NUP62: variants seen among roughly 807,000 people sequenced by gnomAD.
NUP62 encodes the protein nuclear pore glycoprotein p62.
For synonymous variants in NUP62, 305 were observed against 303.4 expected (o/e 1.01, Z -0.05); for missense variants, 647 against 689.4 (o/e 0.94, Z 0.69).
intron 2 of NUP62, among the ~76,000 whole-genome samples, chr19:49,918,011 A>G (rs1301047051): frequency 6.6e-6 from 1 of 151,306 alleles, no homozygotes; most frequent in African/African-American, 2.4e-5. Context: ...GTCTAAAACA[A>G]ACAGACACAC....
intron 2 of NUP62, among the ~76,000 whole-genome samples, chr19:49,922,279 C>T (rs946168080): frequency 6.6e-6 from 1 of 152,200 alleles, no homozygotes; most frequent in East Asian, 1.9e-4. Flanking sequence ...AGTCTTCCTG[C>T]CGCAATGAGC....
intron 2 of NUP62, among the ~76,000 whole-genome samples, chr19:49,915,035 C>T (rs879536505): frequency 3.9e-5 from 6 of 152,066 alleles, no homozygotes; most frequent in Admixed American, 2.6e-4. Context: ...CCACTGTGCC[C>T]GGCCCCCAAC....
chr19:49,917,274 C>CCGTGGGAA (rs2075649742), intron 2 of NUP62, among the ~76,000 whole-genome samples: 1 of 152,246 alleles, frequency 6.6e-6, no homozygotes, highest in Non-Finnish European at 1.5e-5. Flanking sequence ...ACTTGCCCTC[C>CCGTGGGAA]CGTGGGAACC....
rs765595786 is a variant in NUP62 at position 49,909,537 on chromosome 19, C to T, written c.271G>A (p.Gly91Arg). 2 of 1,614,128 alleles carry T rather than the reference C, an allele frequency of 1.2e-6. No individual in the cohort carries two copies. The highest frequency in any genetic ancestry group is 1.3e-5 in the African/African-American group (1 of 75,028). Residue 91 changes from glycine to arginine, a missense_variant, in exon 3 of 3, where the codon GGG becomes AGG. Coordinates refer to ENST00000352066, the MANE Select transcript of NUP62 (RefSeq NM_016553.5). ...AAGTTGAGCTTTGAAGCACCGATCC[C>T]CAAAGAAAATCCAGTTCCCCCCGAA... ...LASGGTGFSL[G>R]IGASKLNLSN...
chr19:49,917,972 C>T (rs1401592325), intron 2 of NUP62, among the ~76,000 whole-genome samples: 1 of 152,148 alleles, frequency 6.6e-6, no homozygotes, highest in Non-Finnish European at 1.5e-5. Context: ...CACTACTGCA[C>T]TCCAGCCTGG....
In NUP62 at chr19:49,909,815, G is replaced by T; in HGVS notation, c.-8C>A. On this transcript the variant is annotated 5_prime_UTR_variant, in exon 3 of 3. Transcript: ENST00000352066. Reference sequence around the variant, plus strand: ...AAAATTAAACCCGCTCATGGCTCCGGACTCTGGTGGCGGCAGCTACTCTGG... The same window carrying T: ...AAAATTAAACCCGCTCATGGCTCCGTACTCTGGTGGCGGCAGCTACTCTGG... 1 of 1,613,796 alleles carries T rather than the reference G, an allele frequency of 6.2e-7. No homozygotes were observed. The highest frequency in any genetic ancestry group is 8.5e-7 in the Non-Finnish European group (1 of 1,179,960).
chr19:49,908,115 G>A lies in NUP62; in HGVS notation c.*124C>T. 1.3e-6 allele frequency: 2 copies of A among 1,511,622 alleles called. No homozygotes were observed. The highest frequency in any genetic ancestry group is 1.8e-6 in the Non-Finnish European group (2 of 1,132,380). The allele number at this position is 1,511,622 out of a possible 1,614,324, so 93.6% of individuals were successfully genotyped here. On this transcript the variant is annotated 3_prime_UTR_variant, in exon 3 of 3. Transcript: ENST00000352066. ...CAAAGCACACAGCGATCATGTCAAG[G>A]GCAGTCATGTGAAAGAAAGAAACAA... is the stretch of plus-strand genomic sequence containing the variant.
intron 2 of NUP62, among the ~76,000 whole-genome samples, chr19:49,923,540 A>G (rs867933444): frequency 3.9e-5 from 6 of 152,160 alleles, no homozygotes; most frequent in Non-Finnish European, 8.8e-5. Flanking sequence ...GAGAACAGAG[A>G]GAATCACACA....
rs150800946 is a variant in NUP62 at position 49,914,542 on chromosome 19, G to A, written c.-77-4658C>T. ...CCCTTGAGTTTCAAACAACACGGCCGCCTTCACAGCCCTGGGAACCCGGAG... is the reference window on the plus strand; with the variant it reads ...CCCTTGAGTTTCAAACAACACGGCCACCTTCACAGCCCTGGGAACCCGGAG... On this transcript the variant is annotated intron_variant, in intron 2 of 2. Coordinates refer to ENST00000352066, the MANE Select transcript of NUP62 (RefSeq NM_016553.5). 6.6e-5 allele frequency among the ~76,000 whole-genome samples: 10 copies of A among 152,114 alleles called. 1 individual carries two copies. Among genetic ancestry groups the A allele is most frequent in the African/African-American group, 1.7e-4 (7 of 41,500 alleles).
intron 2 of NUP62, among the ~76,000 whole-genome samples, chr19:49,923,139 G>T (rs769567334): frequency 6.6e-6 from 1 of 152,174 alleles, no homozygotes; most frequent in Admixed American, 6.6e-5. Context: ...ACAAGGGAGG[G>T]AAGGGGCTCT....
intron 2 of NUP62, 85 bp downstream of exon 2, chr19:49,927,609 A>G (rs2075933663): frequency 6.6e-6 from 1 of 152,222 alleles, no homozygotes; most frequent in Non-Finnish European, 1.5e-5. Context: ...AGTGGACAGT[A>G]AGTGCTCTAA....
chr19:49,923,076 T>C (rs1010834299), intron 2 of NUP62, among the ~76,000 whole-genome samples: 20 of 128,232 alleles, frequency 1.6e-4, no homozygotes, highest in Admixed American at 1.4e-3. Context: ...GCTGTGTCCC[T>C]TTTTTTTTGC....
chr19:49,913,031 C>G (rs1423868610), intron 2 of NUP62: 1 of 152,348 alleles, frequency 6.6e-6, no homozygotes, highest in Non-Finnish European at 1.5e-5. Context: ...AACCAGGGCT[C>G]AGGGCAGGCA....
intron 2 of NUP62, among the ~76,000 whole-genome samples, chr19:49,917,045 T>C (rs2075643272): frequency 6.6e-6 from 1 of 152,238 alleles, no homozygotes; most frequent in Non-Finnish European, 1.5e-5. Context: ...CGGAGCTGTC[T>C]CCGTGGGACC....
intron 2 of NUP62, among the ~76,000 whole-genome samples, chr19:49,912,392 C>T (rs751718913): frequency 2.0e-5 from 3 of 152,188 alleles, no homozygotes; most frequent in African/African-American, 7.2e-5. Flanking sequence ...TGGTCTTGAA[C>T]TCCTGACCTC....
chr19:49,908,834 C>G lies in NUP62; in HGVS notation c.974G>C (p.Ser325Thr). Residue 325 changes from serine (S) to threonine (T), a missense_variant, in exon 3 of 3, where the codon AGC becomes ACC. By Grantham distance (58) the Ser-to-Thr change is moderately conservative. Coordinates refer to ENST00000352066, the MANE Select transcript of NUP62 (RefSeq NM_016553.5). ...GPGAAAGAAA[S>T]SAMTYAQLES... ...CAGCTGCGCGTAGGTCATGGCGGAG[C>G]TGGCAGCCGCCCCTGCAGCTGCGCC... 6.2e-7 allele frequency: 1 copy of G among 1,612,808 alleles called. No individual in the cohort carries two copies.
Position 49,908,565 on chromosome 19 carries a change from T to G in NUP62, c.1243A>C (p.Lys415Gln), listed in dbSNP as rs2075375875. Reference sequence around the variant, plus strand: ...AGGTAGATGGTCCCGCTCTGCTCCTTGACCAACTCCTCCAGTGGGCTCAGC... The same window carrying G: ...AGGTAGATGGTCCCGCTCTGCTCCTGGACCAACTCCTCCAGTGGGCTCAGC... Reference protein sequence around the residue: ...DLLSPLEELVKEQSGTIYLQH... With the variant: ...DLLSPLEELVQEQSGTIYLQH... The change falls in exon 3 of 3, where the codon AAG becomes CAG. Residue 415 changes from lysine (K) to glutamine (Q), a missense_variant. Physicochemically the swap from Lys to Gln is moderately conservative, Grantham distance 53 (BLOSUM62 1). Coordinates refer to ENST00000352066, the MANE Select transcript of NUP62 (RefSeq NM_016553.5). 6.2e-7 allele frequency: 1 copy of G among 1,614,196 alleles called. No individual in the cohort carries two copies. The highest frequency in any genetic ancestry group is 2.2e-5 in the East Asian group (1 of 44,892).
rs1377357505 is a variant in NUP62 at position 49,907,705 on chromosome 19, T to G, written c.*534A>C. On this transcript the variant is annotated 3_prime_UTR_variant, in exon 3 of 3. Transcript: ENST00000352066. Reference sequence around the variant, plus strand: ...AGGCGTCCACCACACCTGACTAATTTTTGTATTTTTAGTAGAGACGGGGTT... The same window carrying G: ...AGGCGTCCACCACACCTGACTAATTGTTGTATTTTTAGTAGAGACGGGGTT... 1 of 344,880 alleles carries G rather than the reference T, an allele frequency of 2.9e-6. No individual in the cohort carries two copies. The highest frequency in any genetic ancestry group is 5.6e-6 in the Non-Finnish European group (1 of 178,676). The allele number at this position is 344,880 out of a possible 1,614,324, so 21.4% of individuals were successfully genotyped here. A position where few individuals can be genotyped will look rare whatever the true frequency, so the allele number is the denominator to read the frequency against.
chr19:49,924,337 C>T (rs1196932693), intron 2 of NUP62, among the ~76,000 whole-genome samples: 1 of 152,182 alleles, frequency 6.6e-6, no homozygotes, highest in East Asian at 1.9e-4. Flanking sequence ...GGTGGCTGAT[C>T]TCCCTCCCTC....
Sources: gnomAD v4.1 joint callset for allele counts (sites outside exome capture counted in the v4.1 genomes callset) on GRCh38, gnomAD v4.1.1 for gene constraint, MANE v1.5 for transcripts, NCBI Gene and HGNC (gene_info 2026-07-23, HGNC 2026-07-21) for gene names.